GALNT13: variants seen among roughly 807,000 people sequenced by gnomAD.
GALNT13 encodes UDP-GalNAc:polypeptide N-acetylgalactosaminyltransferase 13.
In GALNT13, 28 loss-of-function variants were observed where a neutral mutation model predicts 64.2. The observed-to-expected ratio is 0.44, with a 90% CI of 0.32 to 0.60. GALNT13 has a LOEUF of 0.60. GALNT13 is among the 20% of genes least tolerant of loss of function. The probability of loss-of-function intolerance (pLI) is 0.05; values close to 1 mark genes in which losing one functional copy is unlikely to be tolerated. For synonymous variants in GALNT13, 214 were observed against 224.6 expected (o/e 0.95, Z 0.42); for missense variants, 577 against 669.8 (o/e 0.86, Z 1.53).
chr2:154,294,813 C>A (rs1692822417), intron 8 of GALNT13, among the ~76,000 whole-genome samples: 1 of 152,162 alleles, frequency 6.6e-6, no homozygotes, highest in Admixed American at 6.5e-5. Context: ...TGTTCAGATT[C>A]TTCTTGGCCT....
the GALNT13 span, chr2:153,420,879 C>T: frequency 0.06 from 14,453 of 241,896 alleles, 571 homozygotes; most frequent in African/African-American, 0.098. Context: ...TATGGTGTTG[C>T]TCAGCATGCA....
chr2:153,257,604 A>T, the GALNT13 span, among the ~76,000 whole-genome samples: 1 of 152,200 alleles, frequency 6.6e-6, no homozygotes, highest in African/African-American at 2.4e-5. Context: ...AAGTTTGCTG[A>T]TCCTTTTTTG....
At chr2:153,608,860 T>C in the GALNT13 span, among the ~76,000 whole-genome samples, 1 of 147,836 alleles carries the variant, frequency 6.8e-6, no homozygotes, top group African/African-American at 2.4e-5. Context: ...TTATATAATT[T>C]ATATAATATA....
In GALNT13 at chr2:154,323,096, C is replaced by T. The variant is rs1301382646; in HGVS notation, c.1156+21507C>T. ...GCTCATCTCAGAAATTCTAAAATGA[C>T]TCAGATTCAAGGAGATGGATTATAA... is the stretch of plus-strand genomic sequence containing the variant. On this transcript the variant is annotated intron_variant, in intron 9 of 12. Transcript: ENST00000392825. Among the ~76,000 whole-genome samples, 3 of 151,680 alleles carry T rather than the reference C, an allele frequency of 2.0e-5. No homozygotes were observed. In the East Asian group the frequency reaches 5.8e-4, roughly 29 times the overall value.
chr2:154,347,463 T>C (rs1329277510), intron 9 of GALNT13, among the ~76,000 whole-genome samples: 2 of 152,186 alleles, frequency 1.3e-5, no homozygotes, highest in African/African-American at 4.8e-5. Flanking sequence ...AATTTTTTCT[T>C]TATTTTGTAA....
chr2:153,701,551 A>G, the GALNT13 span, among the ~76,000 whole-genome samples: 1 of 152,252 alleles, frequency 6.6e-6, no homozygotes. Context: ...AACAGAGTGA[A>G]CAGGCAACCT....
At chr2:153,509,086 A>T in the GALNT13 span, among the ~76,000 whole-genome samples, 1 of 152,214 alleles carries the variant, frequency 6.6e-6, no homozygotes, top group Non-Finnish European at 1.5e-5. Flanking sequence ...TTGTGGTTAT[A>T]GAAACGTGAT....
At chr2:153,203,170 T>C in the GALNT13 span, among the ~76,000 whole-genome samples, 1 of 152,234 alleles carries the variant, frequency 6.6e-6, no homozygotes, top group African/African-American at 2.4e-5. Flanking sequence ...TGCTTCAGAT[T>C]ATTGTAGATG....
chr2:153,173,971 A>G, the GALNT13 span, among the ~76,000 whole-genome samples: 4 of 152,236 alleles, frequency 2.6e-5, no homozygotes, highest in African/African-American at 9.6e-5. Context: ...GAAAGAAAAA[A>G]GGGTCATGGG....
intron 3 of GALNT13, among the ~76,000 whole-genome samples, chr2:153,982,701 T>G (rs186232056): frequency 6.6e-6 from 1 of 152,164 alleles, no homozygotes; most frequent in Admixed American, 6.6e-5. Context: ...AACTTCTACC[T>G]TGATGTTTGG....
chr2:153,512,407 G>C, the GALNT13 span, among the ~76,000 whole-genome samples: 1 of 152,096 alleles, frequency 6.6e-6, no homozygotes, highest in Admixed American at 6.6e-5. Flanking sequence ...CTTCGTGAGG[G>C]CTACAGACTT....
At chr2:153,222,717 G>A in the GALNT13 span, among the ~76,000 whole-genome samples, 10 of 152,344 alleles carry the variant, frequency 6.6e-5, no homozygotes, top group South Asian at 2.1e-3. Context: ...GCAGGCGGCT[G>A]GTGTGTCAGC....
chr2:153,851,886 T>C, the GALNT13 span, among the ~76,000 whole-genome samples: 4 of 152,140 alleles, frequency 2.6e-5, no homozygotes, highest in Admixed American at 2.0e-4. Context: ...AAACAAAATG[T>C]ATGACAAGAC....
intron 3 of GALNT13, among the ~76,000 whole-genome samples, chr2:153,957,961 A>G (rs970367774): frequency 2.0e-5 from 3 of 152,160 alleles, no homozygotes; most frequent in African/African-American, 7.2e-5. Flanking sequence ...AAAACTTTCT[A>G]TGTTTTTCCT....
chr2:154,122,199 A>G (rs1284433244), intron 3 of GALNT13, among the ~76,000 whole-genome samples: 1 of 152,008 alleles, frequency 6.6e-6, no homozygotes, highest in Admixed American at 6.5e-5. Flanking sequence ...TGTGTGCTAC[A>G]TGTTTATTTA....
At chr2:153,889,611 T>C (rs1213377383) in intron 1 of GALNT13, among the ~76,000 whole-genome samples, 1 of 152,088 alleles carries the variant, frequency 6.6e-6, no homozygotes, top group Non-Finnish European at 1.5e-5. Flanking sequence ...GATGCACTTT[T>C]ATTTGGCCAG....
chr2:154,399,025 G>A (rs964480904), intron 10 of GALNT13, among the ~76,000 whole-genome samples: 1 of 152,118 alleles, frequency 6.6e-6, no homozygotes, highest in African/African-American at 2.4e-5. Flanking sequence ...GATAAATTAC[G>A]TGCTAGTCCA....
At chr2:153,718,371 G>A in the GALNT13 span, among the ~76,000 whole-genome samples, 4 of 151,752 alleles carry the variant, frequency 2.6e-5, no homozygotes, top group Admixed American at 6.6e-5. Flanking sequence ...TTAATCACCC[G>A]TGTCTGTTCC....
At chr2:153,354,663 T>A in the GALNT13 span, among the ~76,000 whole-genome samples, 3 of 152,186 alleles carry the variant, frequency 2.0e-5, no homozygotes, top group African/African-American at 7.2e-5. Flanking sequence ...CAGAGCTTGT[T>A]TACCATCTCC....
Sources: allele counts gnomAD v4.1 joint callset (sites outside exome capture counted in the v4.1 genomes callset), GRCh38; gene constraint gnomAD v4.1.1; transcripts MANE v1.5; gene names NCBI Gene and HGNC (gene_info 2026-07-23, HGNC 2026-07-21).